The following HSPA4L variants were observed in gnomAD, a reference collection of about 807,000 sequenced individuals.
HSPA4L encodes the protein heat shock protein family A (Hsp70) member 4 like, also known as heat shock 70 kDa protein 4L.
HSPA4L carries 48 observed loss-of-function variants against 100.3 expected under a neutral mutation model. The ratio of observed to expected loss-of-function variants is 0.48; its 90% CI spans 0.38 to 0.61. The LOEUF (loss-of-function observed/expected upper bound fraction) is 0.61. Among genes scored for constraint, HSPA4L ranks in the 20% least tolerant of loss-of-function variants. The pLI, the probability that HSPA4L is intolerant of heterozygous loss-of-function variation, is 0.00. For missense variants in HSPA4L, 886 were observed against 988.6 expected, an observed-to-expected ratio of 0.90 and a Z score of 1.39; for synonymous variants, 319 against 328.2, an observed-to-expected ratio of 0.97 and a Z score of 0.30.
intron 13 of HSPA4L, among the ~76,000 whole-genome samples, chr4:127,818,800 G>T (rs1733739273): frequency 6.6e-6 from 1 of 151,544 alleles, no homozygotes. Flanking sequence ...TAATACCTGG[G>T]TGATGAAATA....
intron 17 of HSPA4L, among the ~76,000 whole-genome samples, chr4:127,827,894 G>T (rs1421737345): frequency 6.6e-6 from 1 of 151,840 alleles, no homozygotes; most frequent in East Asian, 1.9e-4. Context: ...ATTCTTTTAT[G>T]TACATATTCA....
intron 2 of HSPA4L, 125 bp downstream of exon 2, chr4:127,794,259 C>CAGAAAAACAAAAAG: frequency 1.7e-6 from 1 of 583,876 alleles, no homozygotes; most frequent in Admixed American, 3.0e-5. Flanking sequence ...GGTACTACAT[C>CAGAAAAACAAAAAG]TTTGTTTTGT....
chr4:127,827,502 G>C (rs1733977657), intron 17 of HSPA4L, 78 bp downstream of exon 17: 1 of 1,510,282 alleles, frequency 6.6e-7, no homozygotes, highest in South Asian at 1.2e-5. Flanking sequence ...AAAGTTCTCA[G>C]CTACAAAGCT....
intron 1 of HSPA4L, among the ~76,000 whole-genome samples, chr4:127,785,784 A>G (rs763639242): frequency 2.0e-5 from 3 of 152,118 alleles, no homozygotes; most frequent in Non-Finnish European, 4.4e-5. Flanking sequence ...TTTCTATACT[A>G]TCAGTTGTAG....
intron 12 of HSPA4L, chr4:127,813,092 C>G (rs1171529939): frequency 8.9e-6 from 11 of 1,235,428 alleles, no homozygotes; most frequent in Admixed American, 1.7e-5. Context: ...ACAATATCAC[C>G]TTTCTTATAG....
chr4:127,801,116 A>C, intron 4 of HSPA4L, 22 bp from the exon 5 acceptor site: 1 of 1,539,130 alleles, frequency 6.5e-7, no homozygotes, highest in Non-Finnish European at 8.9e-7. Context: ...CATTATACTT[A>C]ACTGTTGTTT....
Position 127,833,045 on chromosome 4 carries a change from A to C in HSPA4L, c.*171A>C. ...ATTGAGTGCACTTCTGTTCATTTCC[A>C]TTGCTGCTTATATGCAGTGTTAGCC... On this transcript the variant is annotated 3_prime_UTR_variant, in exon 19 of 19. Coordinates refer to ENST00000296464, the MANE Select transcript of HSPA4L (RefSeq NM_014278.4). The C allele has an allele frequency of 4.3e-6, 2 of 460,848 alleles. No individual in the cohort carries two copies. The highest frequency in any genetic ancestry group is 7.6e-6 in the Non-Finnish European group (2 of 264,046). The allele number at this position is 460,848 out of a possible 1,614,324, so 28.5% of individuals were successfully genotyped here.
At chr4:127,804,244 T>G (rs951536184) in intron 8 of HSPA4L, among the ~76,000 whole-genome samples, 157 bp downstream of exon 8, 2 of 152,110 alleles carry the variant, frequency 1.3e-5, no homozygotes, top group African/African-American at 4.8e-5. Context: ...TTCATAAGAG[T>G]AAGGCAGTAT....
Position 127,801,153 on chromosome 4 carries a change from A to G in HSPA4L, c.445A>G (p.Thr149Ala). Residue 149 changes from threonine (T) to alanine (A), a missense_variant, in exon 5 of 19, where the codon ACT (threonine) becomes GCT (alanine). Physicochemically the swap from Thr to Ala is moderately conservative, Grantham distance 58. Coordinates refer to ENST00000296464, the MANE Select transcript of HSPA4L (RefSeq NM_014278.4). ...TAAATACTAGATTCCTAGCTTTTTT[A>G]CTGATGCCGAGAGAAGATCTGTGAT... ...DCVISIPSFFTDAERRSVMAA... is the reference protein window; with the variant it reads ...DCVISIPSFFADAERRSVMAA... The G allele has an allele frequency of 1.2e-6, 2 of 1,610,934 alleles. No homozygotes were observed. The highest frequency in any genetic ancestry group is 2.2e-5 in the South Asian group (2 of 90,422).
intron 16 of HSPA4L, among the ~76,000 whole-genome samples, chr4:127,824,196 G>A (rs1186234854): frequency 6.6e-6 from 1 of 152,148 alleles, no homozygotes; most frequent in Non-Finnish European, 1.5e-5. Context: ...AGGCTGAATA[G>A]TATTCCGTTG....
At position 127,833,695 on chromosome 4, in the gene HSPA4L, T is replaced by C. The variant is rs931451153; in HGVS notation, c.*821T>C. 6.6e-6 allele frequency: 1 copy of C among 152,210 alleles called. No individual in the cohort carries two copies. Among genetic ancestry groups the C allele is most frequent in the Non-Finnish European group, 1.5e-5 (1 of 68,026 alleles). 9.4% of individuals were successfully genotyped at this position (152,210 alleles called of 1,614,324 possible). On this transcript the variant is annotated 3_prime_UTR_variant, in exon 19 of 19. Coordinates refer to ENST00000296464, the MANE Select transcript of HSPA4L (RefSeq NM_014278.4). Reference sequence around the variant, plus strand: ...CTCAGACATGCATCTGTGATGTTCATAGCCTTGTTTCAGTTATAATAGTTG... The same window carrying C: ...CTCAGACATGCATCTGTGATGTTCACAGCCTTGTTTCAGTTATAATAGTTG...
At chr4:127,797,594 TA>T (rs924350546) in intron 3 of HSPA4L, among the ~76,000 whole-genome samples, 3 of 144,860 alleles carry the variant, frequency 2.1e-5, no homozygotes, top group East Asian at 2.0e-4. Flanking sequence ...CATCTAACTT[TA>T]AAAAAAATTT....
At chr4:127,815,276 G>A (rs1733644421) in intron 12 of HSPA4L, among the ~76,000 whole-genome samples, 1 of 152,046 alleles carries the variant, frequency 6.6e-6, no homozygotes, top group Non-Finnish European at 1.5e-5. Context: ...TGAGAAAATT[G>A]ACACCTCTCT....
intron 1 of HSPA4L, among the ~76,000 whole-genome samples, chr4:127,788,401 T>A (rs961648136): frequency 1.3e-5 from 2 of 152,232 alleles, no homozygotes; most frequent in African/African-American, 4.8e-5. Flanking sequence ...GAGTTTTTTT[T>A]AGAGCATTCT....
chr4:127,801,378 A>G (rs1466039708), intron 5 of HSPA4L, 141 bp downstream of exon 5: 2 of 631,838 alleles, frequency 3.2e-6, no homozygotes, highest in Middle Eastern at 4.0e-4. Flanking sequence ...GCAGTGAGCT[A>G]TGATCATACC....
At chr4:127,825,297 T>C (rs1733922349) in intron 16 of HSPA4L, among the ~76,000 whole-genome samples, 1 of 152,156 alleles carries the variant, frequency 6.6e-6, no homozygotes, top group Admixed American at 6.5e-5. Flanking sequence ...GGGCCCACTT[T>C]TAACAAACTT....
chr4:127,809,359 C>A, intron 11 of HSPA4L: 1 of 1,164,170 alleles, frequency 8.6e-7, no homozygotes, highest in Non-Finnish European at 1.3e-6. Flanking sequence ...TATATTGCAG[C>A]CCAGCAGAAG....
intron 1 of HSPA4L, among the ~76,000 whole-genome samples, chr4:127,789,945 G>T (rs1732827372): frequency 6.6e-6 from 1 of 152,158 alleles, no homozygotes; most frequent in Admixed American, 6.5e-5. Context: ...GAATGTATTT[G>T]AAAGAAAATC....
At chr4:127,800,141 C>T (rs1368386688) in intron 4 of HSPA4L, among the ~76,000 whole-genome samples, 1 of 152,026 alleles carries the variant, frequency 6.6e-6, no homozygotes, top group Admixed American at 6.6e-5. Flanking sequence ...CATTTTAAGA[C>T]TGAGTTTAAT....
Sources: gnomAD v4.1 joint callset for allele counts (sites outside exome capture counted in the v4.1 genomes callset) on GRCh38, gnomAD v4.1.1 for gene constraint, MANE v1.5 for transcripts, NCBI Gene and HGNC (gene_info 2026-07-23, HGNC 2026-07-21) for gene names.